Variants in WDR70 observed in about 807,000 individuals in gnomAD.
The protein encoded by WDR70 is WD repeat-containing protein 70.
In WDR70, 53 loss-of-function variants were observed where a neutral mutation model predicts 88.6. The ratio of observed to expected loss-of-function variants is 0.60; its 90% CI spans 0.48 to 0.75. The LOEUF is 0.75. WDR70 is among the 30% of genes least tolerant of loss of function. The pLI, the probability that WDR70 is intolerant of heterozygous loss-of-function variation, is 0.00. For missense variants in WDR70, 610 were observed against 823.2 expected, an observed-to-expected ratio of 0.74 and a Z score of 3.17; for synonymous variants, 280 against 270.0, an observed-to-expected ratio of 1.04 and a Z score of -0.36.
At chr5:37,386,406 C>T (rs1748618158) in intron 3 of WDR70, among the ~76,000 whole-genome samples, 1 of 152,080 alleles carries the variant, frequency 6.6e-6, no homozygotes, top group South Asian at 2.1e-4. Context: ...AGGCTCACTG[C>T]AACCTCTGCC....
At chr5:37,751,568 A>G (rs1328322121) in intron 17 of WDR70, among the ~76,000 whole-genome samples, 1 of 152,276 alleles carries the variant, frequency 6.6e-6, no homozygotes, top group Non-Finnish European at 1.5e-5. Flanking sequence ...TTCTTGCCAA[A>G]TAAAAGGAAT....
intron 5 of WDR70, among the ~76,000 whole-genome samples, chr5:37,437,353 C>T (rs1750498990): frequency 6.6e-6 from 1 of 152,114 alleles, no homozygotes; most frequent in South Asian, 2.1e-4. Flanking sequence ...AAGTACTTAA[C>T]ACTTTAAGGT....
chr5:37,583,121 C>T (rs1345598443), intron 9 of WDR70, among the ~76,000 whole-genome samples: 2 of 152,072 alleles, frequency 1.3e-5, no homozygotes, highest in Non-Finnish European at 2.9e-5. Flanking sequence ...AATGTATCCC[C>T]CTAGAGTTAT....
At chr5:37,590,984 GA>G (rs929410179) in intron 9 of WDR70, among the ~76,000 whole-genome samples, 2 of 152,096 alleles carry the variant, frequency 1.3e-5, no homozygotes, top group Admixed American at 6.6e-5. Context: ...AAAAAACAAA[GA>G]AAAATAACCA....
chr5:37,432,017 A>G (rs1468070827), intron 5 of WDR70, among the ~76,000 whole-genome samples: 1 of 152,164 alleles, frequency 6.6e-6, no homozygotes, highest in South Asian at 2.1e-4. Context: ...GTGAACGTGG[A>G]TGTACAAATA....
At chr5:37,425,421 G>C (rs1750093822) in intron 5 of WDR70, among the ~76,000 whole-genome samples, 1 of 152,162 alleles carries the variant, frequency 6.6e-6, no homozygotes, top group African/African-American at 2.4e-5. Flanking sequence ...CCTTTGAGAA[G>C]ACTTGAAAGA....
intron 5 of WDR70, among the ~76,000 whole-genome samples, chr5:37,436,175 A>G (rs1750461595): frequency 6.6e-6 from 1 of 152,150 alleles, no homozygotes. Context: ...AGAGGAAAAG[A>G]AGCCTGGAAA....
intron 2 of WDR70, among the ~76,000 whole-genome samples, chr5:37,379,987 A>C (rs1748374498): frequency 6.6e-6 from 1 of 152,210 alleles, no homozygotes. Context: ...AATACCCATC[A>C]AAAAACTTGT....
chr5:37,652,298 A>G (rs1367578641), intron 10 of WDR70, among the ~76,000 whole-genome samples: 1 of 152,122 alleles, frequency 6.6e-6, no homozygotes, highest in East Asian at 1.9e-4. Flanking sequence ...ATTGGTCTAT[A>G]TATCTGTTTT....
chr5:37,439,095 T>A (rs1338949865), intron 6 of WDR70, among the ~76,000 whole-genome samples: 2 of 152,048 alleles, frequency 1.3e-5, no homozygotes, highest in African/African-American at 4.8e-5. Context: ...TTTTTTTGTA[T>A]TTTTGGTAGA....
chr5:37,742,072 T>C (rs1748498380), intron 17 of WDR70, among the ~76,000 whole-genome samples: 3 of 152,200 alleles, frequency 2.0e-5, no homozygotes, highest in African/African-American at 7.2e-5. Flanking sequence ...AAATATCTCT[T>C]TTATGTTTTC....
In WDR70 at chr5:37,603,857, C is replaced by T. The variant is rs182618259; in HGVS notation, c.918-1207C>T. ...TAGAGTTTGTAATATACATCTTTAGCATATCAAATTCTCTCATCAAATAAT... is the reference window on the plus strand; with the variant it reads ...TAGAGTTTGTAATATACATCTTTAGTATATCAAATTCTCTCATCAAATAAT... On this transcript the variant is annotated intron_variant, in intron 9 of 17. Transcript: ENST00000265107. Among the ~76,000 whole-genome samples the T allele has an allele frequency of 2.2e-3, 334 of 152,148 alleles. 1 individual carries two copies. Among genetic ancestry groups the T allele is most frequent in the African/African-American group, 7.6e-3 (315 of 41,510 alleles).
intron 9 of WDR70, among the ~76,000 whole-genome samples, chr5:37,538,672 C>T (rs769009856): frequency 2.6e-5 from 4 of 151,996 alleles, no homozygotes; most frequent in Non-Finnish European, 5.9e-5. Context: ...AAAACATAAA[C>T]CTGAGATGAG....
intron 8 of WDR70, chr5:37,506,893 A>G (rs765616666): frequency 5.0e-5 from 52 of 1,043,386 alleles, no homozygotes; most frequent in Non-Finnish European, 7.5e-5. Context: ...GTGAGCCACC[A>G]CCCTCCCACT....
chr5:37,574,045 G>A (rs545814997), intron 9 of WDR70, among the ~76,000 whole-genome samples: 159 of 152,250 alleles, frequency 1.0e-3, no homozygotes, highest in Non-Finnish European at 1.9e-3. Context: ...AGCAAGATTG[G>A]TCAAGCCTTC....
At chr5:37,560,257 C>G (rs1171560110) in intron 9 of WDR70, among the ~76,000 whole-genome samples, 1 of 152,060 alleles carries the variant, frequency 6.6e-6, no homozygotes, top group Non-Finnish European at 1.5e-5. Context: ...AGAAGCAGAT[C>G]AGGGCCAGAT....
chr5:37,726,167 A>G (rs140278342), intron 16 of WDR70, among the ~76,000 whole-genome samples: 2 of 152,316 alleles, frequency 1.3e-5, no homozygotes, highest in Non-Finnish European at 2.9e-5. Context: ...TCTTCCTCTA[A>G]GTGCCATAAT....
intron 13 of WDR70, among the ~76,000 whole-genome samples, chr5:37,716,985 A>C (rs1747671754): frequency 6.6e-6 from 1 of 152,036 alleles, no homozygotes; most frequent in Non-Finnish European, 1.5e-5. Context: ...GAGAAGAAAA[A>C]AATCTCTCTG....
chr5:37,733,364 TC>T (rs905584671), intron 17 of WDR70, among the ~76,000 whole-genome samples: 2 of 152,140 alleles, frequency 1.3e-5, no homozygotes, highest in African/African-American at 4.8e-5. Flanking sequence ...ATTCACAGGT[TC>T]CAAGGATCGA....
Sources: gnomAD v4.1 joint callset for allele counts (sites outside exome capture counted in the v4.1 genomes callset) on GRCh38, gnomAD v4.1.1 for gene constraint, MANE v1.5 for transcripts, NCBI Gene and HGNC (gene_info 2026-07-23, HGNC 2026-07-21) for gene names.